Variants in FGF12 observed in about 807,000 individuals in gnomAD.
FGF12 encodes the protein fibroblast growth factor 12B.
A neutral mutation model predicts 23.6 loss-of-function variants in FGF12; 14 were observed. That is an observed-to-expected ratio of 0.59 (90% CI 0.39 to 0.93). The LOEUF (loss-of-function observed/expected upper bound fraction) is 0.93, where lower values mean the gene tolerates loss of function less well. Ranked by LOEUF, FGF12 falls within the 40% of genes least tolerant of loss-of-function variation. The pLI, the probability that FGF12 is intolerant of heterozygous loss-of-function variation, is 0.00. For synonymous variants in FGF12, 62 were observed against 77.3 expected (o/e 0.80, Z 1.04); for missense variants, 175 against 217.8 (o/e 0.80, Z 1.24).
In FGF12 at chr3:192,358,567, C is replaced by T. The variant is rs1434578151; in HGVS notation, c.124+1861G>A. The stretch of plus-strand genomic sequence containing the variant: ...GCATGGAGGAAGGTACAAATGTACA[C>T]GTGGGTGTAGATTTACACTAGCAGT... On this transcript the variant is annotated intron_variant, in intron 3 of 5. Transcript: ENST00000445105. 2.0e-5 allele frequency among the ~76,000 whole-genome samples: 3 copies of T among 151,948 alleles called. No individual in the cohort carries two copies. In the East Asian group the frequency reaches 5.8e-4, roughly 29 times the overall value.
intron 2 of FGF12, among the ~76,000 whole-genome samples, chr3:192,438,640 C>A (rs766210248): frequency 2.0e-5 from 3 of 152,164 alleles, no homozygotes; most frequent in Non-Finnish European, 4.4e-5. Flanking sequence ...GACAGGAGAC[C>A]AGGTTTGCTG....
intron 4 of FGF12, among the ~76,000 whole-genome samples, chr3:192,287,747 G>A (rs1219097271): frequency 6.6e-6 from 1 of 152,030 alleles, no homozygotes; most frequent in Non-Finnish European, 1.5e-5. Flanking sequence ...GCCAGAATTT[G>A]AGTTTACAAA....
chr3:192,561,063 A>G (rs1711997515), intron 2 of FGF12, among the ~76,000 whole-genome samples: 1 of 152,200 alleles, frequency 6.6e-6, no homozygotes, highest in African/African-American at 2.4e-5. Context: ...CACATATTAC[A>G]TGACTCCATT....
At chr3:192,603,585 CTGGGGGTGA>C (rs1714209587) in intron 2 of FGF12, among the ~76,000 whole-genome samples, 1 of 151,972 alleles carries the variant, frequency 6.6e-6, no homozygotes, top group Admixed American at 6.6e-5. Flanking sequence ...GCTGGGGGTG[CTGGGGGTGA>C]CATCACATAT....
intron 2 of FGF12, among the ~76,000 whole-genome samples, chr3:192,461,551 T>G (rs1364555712): frequency 6.6e-6 from 1 of 151,982 alleles, no homozygotes; most frequent in African/African-American, 2.4e-5. Flanking sequence ...GATGTGGTTT[T>G]TATTTCTTAA....
At chr3:192,515,638 G>C (rs1410496705) in intron 2 of FGF12, 2 of 152,482 alleles carry the variant, frequency 1.3e-5, no homozygotes, top group Non-Finnish European at 2.9e-5. Context: ...CTTAGCATAG[G>C]TGCAGTGGGA....
At chr3:192,195,687 T>G (rs1424728830) in intron 4 of FGF12, among the ~76,000 whole-genome samples, 1 of 152,212 alleles carries the variant, frequency 6.6e-6, no homozygotes, top group Non-Finnish European at 1.5e-5. Flanking sequence ...TAACTATATG[T>G]ATATACATAT....
chr3:192,146,304 T>C (rs943312969), intron 5 of FGF12, among the ~76,000 whole-genome samples: 5 of 147,036 alleles, frequency 3.4e-5, no homozygotes, highest in African/African-American at 1.3e-4. Flanking sequence ...GGAGTCTCGC[T>C]CTATAGCCCA....
At chr3:192,596,483 C>G (rs1298512284) in intron 2 of FGF12, among the ~76,000 whole-genome samples, 2 of 152,046 alleles carry the variant, frequency 1.3e-5, no homozygotes, top group African/African-American at 4.8e-5. Context: ...TACAACAATC[C>G]TGTGAGGTGA....
intron 2 of FGF12, among the ~76,000 whole-genome samples, chr3:192,420,748 T>C (rs1721499478): frequency 6.6e-6 from 1 of 152,138 alleles, no homozygotes; most frequent in Admixed American, 6.6e-5. Flanking sequence ...CAAATAAACC[T>C]CTTTTCTTTA....
chr3:192,414,992 T>A (rs557008256), intron 2 of FGF12, among the ~76,000 whole-genome samples: 3 of 151,998 alleles, frequency 2.0e-5, no homozygotes, highest in Non-Finnish European at 4.4e-5. Context: ...CTTGAAACAC[T>A]CTCCTTCTTA....
intron 2 of FGF12, among the ~76,000 whole-genome samples, chr3:192,398,570 C>A (rs977503112): frequency 1.3e-5 from 2 of 151,952 alleles, no homozygotes; most frequent in African/African-American, 2.4e-5. Context: ...TTAGTAAAGA[C>A]AGGGTTTCAC....
intron 4 of FGF12, among the ~76,000 whole-genome samples, chr3:192,283,884 C>T (rs1390074546): frequency 6.6e-6 from 1 of 152,082 alleles, no homozygotes; most frequent in East Asian, 1.9e-4. Context: ...CCCAGGTTCT[C>T]TCAATCTCAG....
intron 2 of FGF12, among the ~76,000 whole-genome samples, chr3:192,552,135 A>G (rs1711551141): frequency 6.6e-6 from 1 of 152,166 alleles, no homozygotes; most frequent in Non-Finnish European, 1.5e-5. Context: ...TTCCCTGAAT[A>G]AATTCACTAG....
intron 3 of FGF12, among the ~76,000 whole-genome samples, chr3:192,359,155 A>C (rs1718609301): frequency 1.3e-5 from 2 of 152,240 alleles, no homozygotes; most frequent in South Asian, 4.1e-4. Context: ...CAGCCAATCA[A>C]CAACTTAGCA....
chr3:192,276,292 T>C (rs997322325), intron 4 of FGF12, among the ~76,000 whole-genome samples: 5 of 152,092 alleles, frequency 3.3e-5, no homozygotes, highest in African/African-American at 1.2e-4. Flanking sequence ...AATGGATAAA[T>C]CCCAGGCCTA....
chr3:192,306,324 C>T (rs1304313426), intron 4 of FGF12, among the ~76,000 whole-genome samples: 2 of 152,034 alleles, frequency 1.3e-5, no homozygotes, highest in African/African-American at 4.8e-5. Flanking sequence ...ACTACTGCAA[C>T]CAGGTATACA....
chr3:192,214,353 A>G (rs1429577565), intron 4 of FGF12, among the ~76,000 whole-genome samples: 1 of 152,252 alleles, frequency 6.6e-6, no homozygotes, highest in East Asian at 1.9e-4. Context: ...ATCTCTGAGT[A>G]AGCACAGTAA....
intron 2 of FGF12, among the ~76,000 whole-genome samples, chr3:192,722,825 G>A (rs1283875761): frequency 6.6e-6 from 1 of 152,210 alleles, no homozygotes; most frequent in Non-Finnish European, 1.5e-5. Context: ...AGTGAAGATA[G>A]AAGAGTGAAA....
Sources: gnomAD v4.1 joint callset for allele counts (sites outside exome capture counted in the v4.1 genomes callset) on GRCh38, gnomAD v4.1.1 for gene constraint, MANE v1.5 for transcripts, NCBI Gene and HGNC (gene_info 2026-07-23, HGNC 2026-07-21) for gene names.